The following HS2ST1 variants were observed in gnomAD, a reference collection of about 807,000 sequenced individuals.
HS2ST1 encodes heparan sulfate 2-O-sulfotransferase 1.
HS2ST1 carries 18 observed loss-of-function variants against 42.9 expected under a neutral mutation model. The ratio of observed to expected loss-of-function variants is 0.42; its 90% CI spans 0.29 to 0.62. The LOEUF is 0.62. Among genes scored for constraint, HS2ST1 ranks in the 20% least tolerant of loss-of-function variants. The pLI, the probability that HS2ST1 is intolerant of heterozygous loss-of-function variation, is 0.21. For missense variants in HS2ST1, 334 were observed against 433.8 expected (o/e 0.77, Z 2.04); for synonymous variants, 146 against 152.9 (o/e 0.95, Z 0.33).
intron 1 of HS2ST1, among the ~76,000 whole-genome samples, chr1:86,982,879 CTCTCAAGT>C (rs1261455589): frequency 6.6e-6 from 1 of 152,178 alleles, no homozygotes; most frequent in African/African-American, 2.4e-5. Flanking sequence ...TAAATCGTCT[CTCTCAAGT>C]TCAAAGTTCT....
intron 1 of HS2ST1, among the ~76,000 whole-genome samples, chr1:86,990,026 ATG>A (rs1324956915): frequency 6.6e-6 from 1 of 151,924 alleles, no homozygotes; most frequent in Non-Finnish European, 1.5e-5. Flanking sequence ...CGCAGTAAAC[ATG>A]TGTGTGCATG....
At chr1:87,038,903 A>G (rs1293590966) in intron 1 of HS2ST1, among the ~76,000 whole-genome samples, 1 of 152,154 alleles carries the variant, frequency 6.6e-6, no homozygotes, top group Admixed American at 6.6e-5. Context: ...TCACATTTGA[A>G]GCTTTGAGTA....
chr1:86,948,164 G>A (rs1647392738), intron 1 of HS2ST1, among the ~76,000 whole-genome samples: 2 of 152,080 alleles, frequency 1.3e-5, no homozygotes, highest in South Asian at 4.1e-4. Flanking sequence ...TCTTCTTTGG[G>A]AGTGCAGGGG....
At chr1:87,039,877 AC>A (rs143371131) in intron 1 of HS2ST1, among the ~76,000 whole-genome samples, 3,514 of 152,288 alleles carry the variant, frequency 0.023, 127 homozygotes, top group African/African-American at 0.08. Context: ...GAAGTTTCTT[AC>A]AGTTTTTGAT....
intron 2 of HS2ST1, among the ~76,000 whole-genome samples, chr1:87,073,607 A>G (rs942682783): frequency 1.3e-5 from 2 of 152,178 alleles, no homozygotes; most frequent in African/African-American, 4.8e-5. Flanking sequence ...TTATATATAC[A>G]TTGCTTATAA....
Position 87,108,492 on chromosome 1 carries a change from C to A in HS2ST1, c.*3796C>A, listed in dbSNP as rs750467167. 7 of 152,026 alleles carry A rather than the reference C, an allele frequency of 4.6e-5. No individual in the cohort carries two copies. The highest frequency in any genetic ancestry group is 1.7e-4 in the African/African-American group (7 of 41,424). The allele number at this position is 152,026 out of a possible 1,614,324, so 9.4% of individuals were successfully genotyped here. A position where few individuals can be genotyped will look rare whatever the true frequency, so the allele number is the denominator to read the frequency against. ...GAAGTTGCTGTTATGTTTTTGCATC[C>A]GTTTACCCTATGCAAAGTTGCTGTA... On this transcript the variant is annotated 3_prime_UTR_variant, in exon 7 of 7. Transcript: ENST00000370550.
Position 86,922,235 on chromosome 1 carries a change from G to T in HS2ST1, c.124+7075G>T, listed in dbSNP as rs1660314917. On this transcript the variant is annotated intron_variant, in intron 1 of 6. Transcript: ENST00000370550. ...TGATAGAATTTCATGTGTAGTATAAGAACCTTAATATATTACCACTTTTTT... is the reference window on the plus strand; with the variant it reads ...TGATAGAATTTCATGTGTAGTATAATAACCTTAATATATTACCACTTTTTT... 5.3e-5 allele frequency among the ~76,000 whole-genome samples: 8 copies of T among 151,374 alleles called. No homozygotes were observed. In the South Asian group the frequency reaches 1.7e-3, roughly 32 times the overall value.
intron 1 of HS2ST1, chr1:86,934,987 T>A (rs964934727): frequency 6.7e-6 from 1 of 148,504 alleles, no homozygotes; most frequent in African/African-American, 2.5e-5. Context: ...GGCTTTCTGG[T>A]TGTGAGGATG....
chr1:87,099,224 T>TA (rs1652143130), intron 5 of HS2ST1, among the ~76,000 whole-genome samples: 1 of 152,250 alleles, frequency 6.6e-6, no homozygotes, highest in Non-Finnish European at 1.5e-5. Flanking sequence ...TGCATTACTG[T>TA]AAAGTACTAC....
intron 1 of HS2ST1, among the ~76,000 whole-genome samples, chr1:86,941,079 TG>T (rs747092613): frequency 9.9e-5 from 15 of 152,218 alleles, no homozygotes; most frequent in Non-Finnish European, 1.8e-4. Flanking sequence ...GCTGTAGAAC[TG>T]GAACAAAATG....
At chr1:87,063,960 A>G (rs1281573778) in intron 1 of HS2ST1, among the ~76,000 whole-genome samples, 3 of 152,188 alleles carry the variant, frequency 2.0e-5, no homozygotes, top group Non-Finnish European at 4.4e-5. Context: ...GATACTGCAG[A>G]GGTGCCTTGT....
intron 1 of HS2ST1, among the ~76,000 whole-genome samples, chr1:86,923,398 C>CT (rs1440334959): frequency 0.038 from 5,200 of 137,794 alleles, 177 homozygotes; most frequent in African/African-American, 0.089. Flanking sequence ...AGGGGAACGC[C>CT]TTTTTTTTTT....
At chr1:87,055,377 A>T (rs1650936416) in intron 1 of HS2ST1, among the ~76,000 whole-genome samples, 1 of 152,088 alleles carries the variant, frequency 6.6e-6, no homozygotes, top group African/African-American at 2.4e-5. Context: ...GCCACTTCCA[A>T]TTCCGTCTTC....
intron 1 of HS2ST1, among the ~76,000 whole-genome samples, chr1:86,975,464 A>T (rs1401864980): frequency 6.6e-6 from 1 of 152,196 alleles, no homozygotes; most frequent in African/African-American, 2.4e-5. Flanking sequence ...GAGGAAGCTG[A>T]AATGATGACA....
At chr1:87,014,168 C>G (rs953280819) in intron 1 of HS2ST1, among the ~76,000 whole-genome samples, 4 of 152,176 alleles carry the variant, frequency 2.6e-5, no homozygotes, top group African/African-American at 9.7e-5. Flanking sequence ...AGTCTGTTCT[C>G]ATGCTGCTAA....
intron 4 of HS2ST1, among the ~76,000 whole-genome samples, chr1:87,095,265 T>G (rs1162409750): frequency 6.6e-6 from 1 of 152,166 alleles, no homozygotes; most frequent in Non-Finnish European, 1.5e-5. Context: ...GGAAATACCT[T>G]GTAATGGCGC....
At chr1:87,091,561 G>T (rs558957414) in intron 3 of HS2ST1, among the ~76,000 whole-genome samples, 2 of 152,106 alleles carry the variant, frequency 1.3e-5, no homozygotes, top group East Asian at 3.9e-4. Flanking sequence ...TTGAAAGGGA[G>T]AGAAACTGAA....
intron 1 of HS2ST1, among the ~76,000 whole-genome samples, chr1:86,985,367 A>AAT (rs1330659867): frequency 2.4e-5 from 1 of 41,090 alleles, no homozygotes; most frequent in African/African-American, 5.9e-5. Context: ...AAAAAAAAAA[A>AAT]GTATATATAT....
intron 1 of HS2ST1, among the ~76,000 whole-genome samples, chr1:86,964,310 T>G (rs905357660): frequency 2.6e-5 from 4 of 152,262 alleles, no homozygotes; most frequent in East Asian, 3.9e-4. Context: ...AGGTTGTAGC[T>G]AGCCGAGATC....
Sources: allele counts gnomAD v4.1 joint callset (sites outside exome capture counted in the v4.1 genomes callset), GRCh38; gene constraint gnomAD v4.1.1; transcripts MANE v1.5; gene names NCBI Gene and HGNC (gene_info 2026-07-23, HGNC 2026-07-21).